The following HTT-AS variants were observed in gnomAD, a reference collection of about 807,000 sequenced individuals.
The protein encoded by HTT-AS is HTT antisense RNA, also known as HTT antisense RNA (head to head).
At chr4:3,056,854 C>A (rs1010518848) in intron 2 of HTT-AS, among the ~76,000 whole-genome samples, 1 of 152,170 alleles carries the variant, frequency 6.6e-6, no homozygotes. Context: ...ATCATTCATT[C>A]AATCAGTTTG....
intron 1 of HTT-AS, among the ~76,000 whole-genome samples, chr4:3,073,781 C>A (rs1423013937): frequency 6.6e-6 from 1 of 152,230 alleles, no homozygotes; most frequent in African/African-American, 2.4e-5. Context: ...GCATTCTCTG[C>A]GCTCTGCGCA....
At chr4:3,071,564 GTCTCTA>G (rs1220161414) in intron 1 of HTT-AS, among the ~76,000 whole-genome samples, 4 of 152,148 alleles carry the variant, frequency 2.6e-5, no homozygotes, top group Non-Finnish European at 4.4e-5. Flanking sequence ...AGATAAAAAG[GTCTCTA>G]AAGAAGGTCA....
downstream of HTT-AS, among the ~76,000 whole-genome samples, chr4:3,048,027 C>T (rs1237288798): frequency 2.6e-5 from 4 of 152,192 alleles, no homozygotes; most frequent in African/African-American, 7.2e-5. Flanking sequence ...TACCCTGCCC[C>T]CTTGTCTTGT....
chr4:3,051,351 C>T (rs974532388), intron 2 of HTT-AS, among the ~76,000 whole-genome samples: 1 of 152,146 alleles, frequency 6.6e-6, no homozygotes, highest in African/African-American at 2.4e-5. Context: ...AGGTGTGAGC[C>T]ACCGCGCCTG....
intron 2 of HTT-AS, among the ~76,000 whole-genome samples, chr4:3,058,194 C>G (rs527618130): frequency 6.6e-6 from 1 of 151,954 alleles, no homozygotes; most frequent in African/African-American, 2.4e-5. Context: ...GGCGTGGTGG[C>G]GCGTGCCTGT....
Position 3,073,271 on chromosome 4 carries a change from T to C in HTT-AS, n.113+1155A>G, listed in dbSNP as rs539636569. 1.8e-4 allele frequency among the ~76,000 whole-genome samples: 27 copies of C among 152,328 alleles called. No homozygotes were observed. In the South Asian group the frequency reaches 5.6e-3, roughly 32 times the overall value. ...CTCTCTGCCTGCATCACCCCCCGGC[T>C]GGGCGGTTGTCTCTGAGGCCAACCT... On this transcript the variant is annotated intron_variant and non_coding_transcript_variant, in intron 1 of 2. Coordinates refer to ENST00000664062, the Ensembl canonical transcript of HTT-AS.
At chr4:3,055,991 G>A (rs1711796972) in intron 2 of HTT-AS, among the ~76,000 whole-genome samples, 1 of 152,100 alleles carries the variant, frequency 6.6e-6, no homozygotes, top group Middle Eastern at 3.2e-3. Context: ...TCAGAAATTT[G>A]CACAAAGAAA....
intron 1 of HTT-AS, among the ~76,000 whole-genome samples, chr4:3,068,305 CAAAAAAA>C (rs759119862): frequency 7.6e-5 from 1 of 13,076 alleles, no homozygotes; most frequent in Admixed American, 9.0e-4. Flanking sequence ...GACTCTGTCT[CAAAAAAA>C]AAAAAAAAAA....
chr4:3,067,980 T>C (rs1424548809), intron 1 of HTT-AS, among the ~76,000 whole-genome samples: 3 of 152,058 alleles, frequency 2.0e-5, no homozygotes, highest in African/African-American at 7.2e-5. Flanking sequence ...AGCCATGAAA[T>C]TGACAGCTGA....
intron 1 of HTT-AS, among the ~76,000 whole-genome samples, chr4:3,072,381 G>C (rs1365726338): frequency 1.3e-5 from 2 of 152,260 alleles, no homozygotes; most frequent in African/African-American, 4.8e-5. Flanking sequence ...GAGAGGGCCA[G>C]GGAGACTGAA....
downstream of HTT-AS, among the ~76,000 whole-genome samples, chr4:3,046,339 G>C (rs1711585849): frequency 6.6e-6 from 1 of 152,150 alleles, no homozygotes; most frequent in East Asian, 1.9e-4. Context: ...GCCTTATTTG[G>C]ACACAGTTTG....
chr4:3,048,561 G>C (rs150253166), downstream of HTT-AS, among the ~76,000 whole-genome samples: 38 of 152,156 alleles, frequency 2.5e-4, 1 homozygote, highest in East Asian at 5.4e-3. Context: ...CTAGATAAGA[G>C]GCTACTCACT....
rs71608252 is a variant in HTT-AS, at chr4:3,054,924, A to C, written n.1381-5226T>G. Among the ~76,000 whole-genome samples the C allele has an allele frequency of 4.6e-5, 7 of 151,960 alleles. No individual in the cohort carries two copies. The South Asian group carries it at 1.5e-3, about 32-fold the overall frequency. Reference sequence around the variant, plus strand: ...GAGACGGGGTTTCACCATATTGGCCAGGCTGGTCTTGAACTCCTGACCTCG... The same window carrying C: ...GAGACGGGGTTTCACCATATTGGCCCGGCTGGTCTTGAACTCCTGACCTCG... On this transcript the variant is annotated intron_variant and non_coding_transcript_variant, in intron 2 of 2. Transcript: ENST00000664062.
chr4:3,057,342 G>A (rs1029639677), intron 2 of HTT-AS, among the ~76,000 whole-genome samples: 23 of 125,566 alleles, frequency 1.8e-4, no homozygotes, highest in Non-Finnish European at 3.3e-4. Context: ...CCTGTGACTG[G>A]CTTTTTCACT....
intron 1 of HTT-AS, among the ~76,000 whole-genome samples, chr4:3,074,096 C>A (rs2110127367): frequency 7.1e-6 from 1 of 141,822 alleles, no homozygotes; most frequent in Non-Finnish European, 1.6e-5. Flanking sequence ...CCTCGCCCCA[C>A]CTCTCACCTT....
At chr4:3,047,096 G>C (rs1393886293), downstream of HTT-AS, among the ~76,000 whole-genome samples, 1 of 152,208 alleles carries the variant, frequency 6.6e-6, no homozygotes, top group East Asian at 1.9e-4. Context: ...CAGATCATGA[G>C]GTCAGGAGAT....
chr4:3,057,071 T>C (rs911200537), intron 2 of HTT-AS, among the ~76,000 whole-genome samples: 6 of 151,948 alleles, frequency 3.9e-5, no homozygotes, highest in African/African-American at 1.5e-4. Context: ...TCTCGCTCTG[T>C]CGCCCAGGCT....
intron 1 of HTT-AS, among the ~76,000 whole-genome samples, chr4:3,066,319 G>A (rs188603706): frequency 4.2e-4 from 64 of 152,206 alleles, no homozygotes; most frequent in African/African-American, 1.3e-3. Flanking sequence ...ACAGGCTCCC[G>A]CCACTACACC....
chr4:3,070,303 T>G (rs1259512784), intron 1 of HTT-AS: 1 of 152,256 alleles, frequency 6.6e-6, no homozygotes, highest in Non-Finnish European at 1.5e-5. Flanking sequence ...TCTTTTTTTT[T>G]TTTTTGAGAC....
Sources: gnomAD v4.1 joint callset for allele counts (sites outside exome capture counted in the v4.1 genomes callset) on GRCh38, gnomAD v4.1.1 for gene constraint, MANE v1.5 for transcripts, NCBI Gene and HGNC (gene_info 2026-07-23, HGNC 2026-07-21) for gene names.